ZNF432: variants seen among roughly 807,000 people sequenced by gnomAD.
ZNF432 encodes the protein zinc finger protein 432.
In ZNF432, 10 loss-of-function variants were observed where a neutral mutation model predicts 13.9. The ratio of observed to expected loss-of-function variants is 0.72; its 90% CI spans 0.44 to 1.22. The LOEUF (loss-of-function observed/expected upper bound fraction) is 1.22. ZNF432 is among the 50% of genes most tolerant of loss of function. ZNF432 has a pLI of 0.00. For synonymous variants in ZNF432, 247 were observed against 256.2 expected (o/e 0.96, Z 0.34); for missense variants, 793 against 796.2 (o/e 1.00, Z 0.05).
At chr19:52,042,980 T>C (rs550721800) in intron 2 of ZNF432, among the ~76,000 whole-genome samples, 27 of 152,326 alleles carry the variant, frequency 1.8e-4, no homozygotes, top group Admixed American at 3.9e-4. Context: ...TCTGTGGCAA[T>C]TGGCAAATTG....
chr19:52,048,006 G>C (rs1275661734), intron 1 of ZNF432, among the ~76,000 whole-genome samples: 1 of 151,950 alleles, frequency 6.6e-6, no homozygotes, highest in Non-Finnish European at 1.5e-5. Flanking sequence ...GCAGGTTCAA[G>C]AGCATGGGTT....
At chr19:52,036,033 A>G (rs1307508329) in intron 4 of ZNF432, among the ~76,000 whole-genome samples, 1 of 152,232 alleles carries the variant, frequency 6.6e-6, no homozygotes, top group Non-Finnish European at 1.5e-5. Context: ...ACATGCGGAC[A>G]CAGTAAAATA....
chr19:52,033,796 C>A lies in ZNF432; in HGVS notation c.1883G>T (p.Ser628Ile), dbSNP rs756504509. The change falls in exon 5 of 5, where the codon AGT becomes ATT. Residue 628 changes from serine (S) to isoleucine (I), a missense_variant. By Grantham distance (142) the Ser-to-Ile change is moderately radical. Transcript: ENST00000221315. ...TGAGGAGAAGGCTTTTCTACATTCA[C>A]TGCATACAAAGGGTTTCTCTCCTGT... ...THTGEKPFVC[S>I]ECRKAFSSKR... The A allele has an allele frequency of 1.2e-6, 2 of 1,611,826 alleles. No homozygotes were observed. The highest frequency in any genetic ancestry group is 1.3e-5 in the African/African-American group (1 of 74,874).
rs767362752 is a variant in ZNF432 at position 52,034,722 on chromosome 19, A to G, written c.957T>C (p.Cys319=). The G allele has an allele frequency of 6.2e-7, 1 of 1,613,478 alleles. No individual in the cohort carries two copies. The highest frequency in any genetic ancestry group is 1.1e-5 in the South Asian group (1 of 91,010). The stretch of plus-strand genomic sequence containing the variant: ...CAGTGAAGCCTTTTCCACATTCACT[A>G]CATATATAGGATTTCTCTCCAGTAT... ...RNHTGEKSYI[C]SECGKGFTGK... Residue 319 remains cysteine (C), a synonymous_variant, in exon 5 of 5, where the codon TGT becomes TGC. Coordinates refer to ENST00000221315, the MANE Select transcript of ZNF432 (RefSeq NM_014650.4).
chr19:52,048,128 AACACACACACACACACACACAC>A (rs3138637), intron 1 of ZNF432, among the ~76,000 whole-genome samples: 152 of 103,426 alleles, frequency 1.5e-3, no homozygotes, highest in African/African-American at 4.6e-3. Flanking sequence ...GTTTGAGCTC[AACACACACACACACACACACAC>A]ACACACACAC....
Position 52,033,725 on chromosome 19 carries a change from G to A in ZNF432, c.1954C>T (p.Pro652Ser), listed in dbSNP as rs759574826. 5.1e-6 allele frequency: 8 copies of A among 1,581,994 alleles called. No homozygotes were observed. Among genetic ancestry groups the A allele is most frequent in the Non-Finnish European group, 6.0e-6 (7 of 1,166,358 alleles). Residue 652 changes from proline (P) to serine (S), a missense_variant, in exon 5 of 5, where the codon CCC becomes TCC. Pro to Ser is a moderately conservative substitution (Grantham distance 74, BLOSUM62 -1). Coordinates refer to ENST00000221315, the MANE Select transcript of ZNF432 (RefSeq NM_014650.4). ...TGAACATGTCCACTGCATTGTCAGG[G>A]TTTGTTTCCATTATGAGTTCGCTGA... The part of the protein sequence containing the change: ...VHQRTHNGNK[P>S]
At chr19:52,036,938 TG>T (rs1462216687) in intron 4 of ZNF432, among the ~76,000 whole-genome samples, 8 of 152,282 alleles carry the variant, frequency 5.3e-5, no homozygotes, top group Admixed American at 3.9e-4. Context: ...CCCAAAGTGC[TG>T]GGACTATAGG....
Position 52,034,422 on chromosome 19 carries a change from A to C in ZNF432, c.1257T>G (p.His419Gln). Residue 419 changes from histidine (H) to glutamine (Q), a missense_variant, in exon 5 of 5, where the codon CAT (histidine) becomes CAG (glutamine). By Grantham distance (24) the His-to-Gln change is conservative (BLOSUM62 0). Coordinates refer to ENST00000221315, the MANE Select transcript of ZNF432 (RefSeq NM_014650.4). ...ACTTCTCTACTGTATGATTTCTCTGATGTACAATAAGATTACTCTTCCTGG... is the reference window on the plus strand; with the variant it reads ...ACTTCTCTACTGTATGATTTCTCTGCTGTACAATAAGATTACTCTTCCTGG... ...GFPRKSNLIV[H>Q]QRNHTVEKSY... 6.2e-7 allele frequency: 1 copy of C among 1,613,820 alleles called. No homozygotes were observed. Among genetic ancestry groups the C allele is most frequent in the Non-Finnish European group, 8.5e-7 (1 of 1,179,974 alleles).
intron 4 of ZNF432, among the ~76,000 whole-genome samples, chr19:52,038,151 T>TA (rs1247717269): frequency 6.6e-6 from 1 of 152,238 alleles, no homozygotes; most frequent in African/African-American, 2.4e-5. Flanking sequence ...AAAAAAAGTT[T>TA]ACATTACCAT....
chr19:52,035,356 T>TTA lies in ZNF432; in HGVS notation c.321_322dup (p.Asn108IlefsTer28), dbSNP rs1568520869. ...TTGAGAGGCAGTATTTCCAAATGCA[T>TTA]TATGTTCATGGTATTGTTCCACACT... On this transcript the variant is annotated frameshift_variant, in exon 5 of 5. Transcript: ENST00000221315. LOFTEE classifies it low-confidence loss of function (END_TRUNC). 1 of 1,611,842 alleles carries TTA rather than the reference T, an allele frequency of 6.2e-7. No individual in the cohort carries two copies. Among genetic ancestry groups the TTA allele is most frequent in the Admixed American group, 1.7e-5 (1 of 59,508 alleles).
At chr19:52,042,684 TAAGAG>T (rs1458172164) in intron 2 of ZNF432, among the ~76,000 whole-genome samples, 3 of 152,172 alleles carry the variant, frequency 2.0e-5, no homozygotes, top group African/African-American at 7.2e-5. Flanking sequence ...TATATTCAAA[TAAGAG>T]AAGCAATTTC....
intron 4 of ZNF432, among the ~76,000 whole-genome samples, chr19:52,038,827 T>G (rs2087107960): frequency 1.3e-5 from 2 of 152,276 alleles, no homozygotes; most frequent in Non-Finnish European, 2.9e-5. Flanking sequence ...TAGGAAATGA[T>G]CTCTAGGCCC....
intron 3 of ZNF432, among the ~76,000 whole-genome samples, chr19:52,041,152 T>C (rs974737188): frequency 6.6e-6 from 1 of 152,250 alleles, no homozygotes; most frequent in South Asian, 2.1e-4. Context: ...ATAACAACTA[T>C]GTACATAGCA....
Position 52,035,051 on chromosome 19 carries a change from A to G in ZNF432, c.628T>C (p.Cys210Arg). Reference protein sequence around the residue: ...EIEKNHVCSECGKAFVKKSQL... With the variant: ...EIEKNHVCSERGKAFVKKSQL... ...GACTTCTTGACAAACGCTTTCCCAC[A>G]TTCACTGCATACGTGGTTTTTTTCT... Residue 210 changes from cysteine (C) to arginine (R), a missense_variant, in exon 5 of 5, where the codon TGT (cysteine) becomes CGT (arginine). By Grantham distance (180) the Cys-to-Arg change is radical (BLOSUM62 -3). Coordinates refer to ENST00000221315, the MANE Select transcript of ZNF432 (RefSeq NM_014650.4). 6.2e-7 allele frequency: 1 copy of G among 1,614,144 alleles called. No individual in the cohort carries two copies. Among genetic ancestry groups the G allele is most frequent in the Non-Finnish European group, 8.5e-7 (1 of 1,180,022 alleles).
At chr19:52,040,376 G>C in intron 4 of ZNF432, 112 bp downstream of exon 4, 2 of 935,172 alleles carry the variant, frequency 2.1e-6, no homozygotes, top group Non-Finnish European at 3.5e-6. Flanking sequence ...CTTGTGGAGG[G>C]AAAACGATTC....
chr19:52,041,343 T>A (rs1019079455), intron 3 of ZNF432, 137 bp downstream of exon 3: 1 of 1,145,388 alleles, frequency 8.7e-7, no homozygotes. Context: ...TGACGGTATA[T>A]CCTTTTATCA....
chr19:52,041,808 T>A (rs957635454), intron 2 of ZNF432, among the ~76,000 whole-genome samples: 1 of 152,186 alleles, frequency 6.6e-6, no homozygotes, highest in African/African-American at 2.4e-5. Context: ...AAAATTAAGG[T>A]TTTATATCAA....
In ZNF432 at chr19:52,032,441, T is replaced by G. The variant is rs992214547; in HGVS notation, c.*1279A>C. The stretch of plus-strand genomic sequence containing the variant: ...GTGACAGTCCTCAAATATGGTTTTT[T>G]TTTTTTTTTTTTGAGGCAGAGTTTC... On this transcript the variant is annotated 3_prime_UTR_variant, in exon 5 of 5. Coordinates refer to ENST00000221315, the MANE Select transcript of ZNF432 (RefSeq NM_014650.4). The G allele has an allele frequency of 4.0e-5, 6 of 151,162 alleles. No homozygotes were observed. The highest frequency in any genetic ancestry group is 1.9e-4 in the East Asian group (1 of 5,158). The allele number at this position is 151,162 out of a possible 1,614,324, so 9.4% of individuals were successfully genotyped here. A position where few individuals can be genotyped will look rare whatever the true frequency, so the allele number is the denominator to read the frequency against.
chr19:52,043,509 G>A (rs944102572), intron 2 of ZNF432, among the ~76,000 whole-genome samples: 2 of 151,882 alleles, frequency 1.3e-5, no homozygotes, highest in Admixed American at 6.6e-5. Flanking sequence ...ATATGGCCTC[G>A]TGGGAAGGGA....
Sources: gnomAD v4.1 joint callset for allele counts (sites outside exome capture counted in the v4.1 genomes callset) on GRCh38, gnomAD v4.1.1 for gene constraint, MANE v1.5 for transcripts, NCBI Gene and HGNC (gene_info 2026-07-23, HGNC 2026-07-21) for gene names.